Variants in SSBP2 observed in about 807,000 individuals in gnomAD.
SSBP2 encodes the protein single stranded DNA binding protein 2.
A neutral mutation model predicts 61.8 loss-of-function variants in SSBP2; 17 were observed. That is an observed-to-expected ratio of 0.28 (90% confidence interval 0.19 to 0.41). The LOEUF (loss-of-function observed/expected upper bound fraction) is 0.41. Ranked by LOEUF, SSBP2 falls within the 10% of genes least tolerant of loss-of-function variation. SSBP2 has a pLI of 1.00. For synonymous variants in SSBP2, 139 were observed against 141.3 expected (o/e 0.98, Z 0.12); for missense variants, 310 against 458.7 (o/e 0.68, Z 2.96).
At chr5:81,528,228 G>C (rs902409317) in intron 4 of SSBP2, among the ~76,000 whole-genome samples, 1 of 151,984 alleles carries the variant, frequency 6.6e-6, no homozygotes, top group Non-Finnish European at 1.5e-5. Context: ...GATATGTTTT[G>C]TTTCTGGCTA....
intron 1 of SSBP2, among the ~76,000 whole-genome samples, chr5:81,687,951 A>T (rs76894493): frequency 0.07 from 10,581 of 152,244 alleles, 474 homozygotes; most frequent in Middle Eastern, 0.12. Flanking sequence ...TACAAGGAGG[A>T]ACTCCTTCTG....
rs1437723338 is a variant in SSBP2, at chr5:81,620,191, T to A, written c.198-4634A>T. 2.8e-3 allele frequency among the ~76,000 whole-genome samples: 343 copies of A among 123,162 alleles called. 2 individuals are homozygous for A. Among genetic ancestry groups the A allele is most frequent in the African/African-American group, 0.011 (331 of 31,288 alleles). The allele number at this position is 123,162 out of a possible 152,430, so 80.8% of individuals were successfully genotyped here. A position where few individuals can be genotyped will look rare whatever the true frequency, so the allele number is the denominator to read the frequency against. Reference sequence around the variant, plus strand: ...CCCTGTTTGCAGAAGACATGATTGTTTATCTAGAAAACCCCATCGTCTCAG... The same window carrying A: ...CCCTGTTTGCAGAAGACATGATTGTATATCTAGAAAACCCCATCGTCTCAG... On this transcript the variant is annotated intron_variant, in intron 3 of 16. Transcript: ENST00000320672.
intron 4 of SSBP2, among the ~76,000 whole-genome samples, chr5:81,516,565 A>C (rs1390387975): frequency 6.6e-6 from 1 of 151,992 alleles, no homozygotes; most frequent in Non-Finnish European, 1.5e-5. Context: ...ACTCTGCTGC[A>C]ATTTATTGGC....
intron 4 of SSBP2, among the ~76,000 whole-genome samples, chr5:81,548,924 A>G (rs1053181351): frequency 3.3e-5 from 5 of 152,226 alleles, no homozygotes; most frequent in African/African-American, 1.2e-4. Flanking sequence ...TCCATCTCAA[A>G]AAAAAGTACA....
chr5:81,719,029 T>C (rs911818948), intron 1 of SSBP2, among the ~76,000 whole-genome samples: 1 of 152,194 alleles, frequency 6.6e-6, no homozygotes, highest in East Asian at 1.9e-4. Context: ...TTTTTTATAA[T>C]AACAAGTACA....
At chr5:81,670,197 C>CA (rs1751487481) in intron 1 of SSBP2, among the ~76,000 whole-genome samples, 1 of 152,064 alleles carries the variant, frequency 6.6e-6, no homozygotes, top group Non-Finnish European at 1.5e-5. Context: ...GTAGGTTCAT[C>CA]AATTATAACC....
At chr5:81,436,503 A>T (rs1762684659) in intron 15 of SSBP2, among the ~76,000 whole-genome samples, 1 of 152,136 alleles carries the variant, frequency 6.6e-6, no homozygotes, top group Admixed American at 6.5e-5. Context: ...ATTCCAATTA[A>T]ATATTTTTTA....
At chr5:81,744,683 T>C (rs768304407) in intron 1 of SSBP2, among the ~76,000 whole-genome samples, 9 of 152,116 alleles carry the variant, frequency 5.9e-5, no homozygotes, top group Non-Finnish European at 1.2e-4. Flanking sequence ...TGTTTGACAT[T>C]ATAGCCATGA....
intron 1 of SSBP2, among the ~76,000 whole-genome samples, chr5:81,736,869 G>C (rs2154007300): frequency 6.6e-6 from 1 of 152,254 alleles, no homozygotes; most frequent in East Asian, 1.9e-4. Context: ...TCAAACTTTT[G>C]CTTTACAGGC....
intron 4 of SSBP2, among the ~76,000 whole-genome samples, chr5:81,564,089 A>G (rs550829841): frequency 6.6e-6 from 1 of 152,314 alleles, no homozygotes; most frequent in South Asian, 2.1e-4. Flanking sequence ...GGGCTAAGAA[A>G]CTGAATAGAC....
intron 6 of SSBP2, among the ~76,000 whole-genome samples, chr5:81,482,044 C>A (rs1766030806): frequency 6.6e-6 from 1 of 151,986 alleles, no homozygotes; most frequent in Non-Finnish European, 1.5e-5. Context: ...TGAGTTCAAG[C>A]AATTCTCTCA....
intron 4 of SSBP2, among the ~76,000 whole-genome samples, chr5:81,604,571 T>C (rs78665564): frequency 6.6e-6 from 1 of 152,110 alleles, no homozygotes; most frequent in South Asian, 2.1e-4. Context: ...TAAAAATTTT[T>C]AGCTGATCCA....
chr5:81,451,073 G>T (rs940438543), intron 10 of SSBP2, among the ~76,000 whole-genome samples: 2 of 152,192 alleles, frequency 1.3e-5, no homozygotes, highest in Non-Finnish European at 2.9e-5. Context: ...CTGATTTATA[G>T]TATTTGCCAG....
intron 5 of SSBP2, among the ~76,000 whole-genome samples, chr5:81,491,463 A>C (rs1405127055): frequency 6.6e-6 from 1 of 152,206 alleles, no homozygotes; most frequent in Non-Finnish European, 1.5e-5. Flanking sequence ...TATATGTAAA[A>C]GGAGAATTTT....
chr5:81,469,946 G>T (rs898202286), intron 8 of SSBP2, among the ~76,000 whole-genome samples: 7 of 151,804 alleles, frequency 4.6e-5, no homozygotes, highest in Non-Finnish European at 7.4e-5. Context: ...GACTCTGCTT[G>T]GAAAGTTTAT....
intron 5 of SSBP2, among the ~76,000 whole-genome samples, chr5:81,494,747 A>C (rs557370323): frequency 6.6e-5 from 10 of 152,326 alleles, no homozygotes; most frequent in South Asian, 6.2e-4. Flanking sequence ...TCTAAAATAA[A>C]TGGAATAACC....
intron 4 of SSBP2, among the ~76,000 whole-genome samples, chr5:81,552,545 C>G (rs532869125): frequency 6.6e-6 from 1 of 150,442 alleles, no homozygotes; most frequent in Non-Finnish European, 1.5e-5. Context: ...GGCTGAGGCA[C>G]AAGACTCACT....
chr5:81,704,144 A>G (rs1489432224), intron 1 of SSBP2, among the ~76,000 whole-genome samples: 2 of 152,122 alleles, frequency 1.3e-5, no homozygotes, highest in Non-Finnish European at 2.9e-5. Flanking sequence ...TAGTTATCTG[A>G]TGCTCTTTTG....
intron 4 of SSBP2, among the ~76,000 whole-genome samples, chr5:81,559,763 A>G (rs565093260): frequency 1.5e-4 from 23 of 152,036 alleles, no homozygotes; most frequent in Admixed American, 8.5e-4. Context: ...AGCCATTTTT[A>G]TTCCATAAAA....
Sources: allele counts gnomAD v4.1 joint callset (sites outside exome capture counted in the v4.1 genomes callset), GRCh38; gene constraint gnomAD v4.1.1; transcripts MANE v1.5; gene names NCBI Gene and HGNC (gene_info 2026-07-23, HGNC 2026-07-21).